The following TMPRSS11F variants were observed in gnomAD, a reference collection of about 807,000 sequenced individuals.
The protein encoded by TMPRSS11F is transmembrane protease serine 11F.
A neutral mutation model predicts 60.2 loss-of-function variants in TMPRSS11F; 47 were observed. The observed-to-expected ratio is 0.78, with a 90% CI of 0.62 to 1.00. TMPRSS11F has a LOEUF of 1.00. Ranked by LOEUF, TMPRSS11F falls within the 50% of genes least tolerant of loss-of-function variation. The probability of loss-of-function intolerance (pLI) is 0.00; values close to 1 mark genes in which losing one functional copy is unlikely to be tolerated. For synonymous variants in TMPRSS11F, 166 were observed against 167.3 expected, an observed-to-expected ratio of 0.99 and a Z score of 0.06; for missense variants, 519 against 522.9, an observed-to-expected ratio of 0.99 and a Z score of 0.07.
At chr4:68,107,564 G>A (rs148898382) in intron 1 of TMPRSS11F, among the ~76,000 whole-genome samples, 13 of 152,318 alleles carry the variant, frequency 8.5e-5, no homozygotes, top group Non-Finnish European at 1.8e-4. Flanking sequence ...TGAATTTGCA[G>A]AAGAGCAGAA....
intron 1 of TMPRSS11F, among the ~76,000 whole-genome samples, chr4:68,112,754 A>G (rs1724431382): frequency 1.3e-5 from 2 of 152,158 alleles, no homozygotes; most frequent in Admixed American, 1.3e-4. Flanking sequence ...GTAGTGTTTA[A>G]TAAACATTAT....
chr4:68,065,190 G>A (rs1284866697), intron 7 of TMPRSS11F, among the ~76,000 whole-genome samples: 2 of 151,852 alleles, frequency 1.3e-5, no homozygotes, highest in Non-Finnish European at 2.9e-5. Flanking sequence ...AACTCTTCAG[G>A]TTCTTTTTTC....
At chr4:68,123,696 G>A (rs1724663842) in intron 1 of TMPRSS11F, among the ~76,000 whole-genome samples, 1 of 152,180 alleles carries the variant, frequency 6.6e-6, no homozygotes, top group East Asian at 1.9e-4. Context: ...GGGGAAGGTA[G>A]GCAGTAGGGC....
intron 2 of TMPRSS11F, among the ~76,000 whole-genome samples, chr4:68,092,877 T>C (rs904534997): frequency 1.3e-5 from 2 of 148,904 alleles, no homozygotes; most frequent in Non-Finnish European, 3.0e-5. Context: ...ATATATACTT[T>C]AAGTGCTTTT....
intron 8 of TMPRSS11F, among the ~76,000 whole-genome samples, chr4:68,064,019 T>C (rs1308241223): frequency 6.6e-6 from 1 of 152,132 alleles, no homozygotes; most frequent in Non-Finnish European, 1.5e-5. Context: ...AAAGACAAAA[T>C]TTGTGATTAC....
intron 7 of TMPRSS11F, among the ~76,000 whole-genome samples, chr4:68,068,160 A>G (rs572225184): frequency 1.1e-4 from 17 of 152,270 alleles, no homozygotes; most frequent in African/African-American, 3.8e-4. Context: ...CAGGGTTCCT[A>G]GAGAATGCAA....
chr4:68,068,885 T>C, intron 6 of TMPRSS11F, 66 bp from the exon 7 acceptor site: 2 of 1,546,106 alleles, frequency 1.3e-6, no homozygotes, highest in Non-Finnish European at 1.8e-6. Flanking sequence ...TCTGATTTGC[T>C]TTGGTTATAG....
intron 5 of TMPRSS11F, among the ~76,000 whole-genome samples, chr4:68,071,871 A>T (rs999101980): frequency 1.1e-4 from 16 of 152,038 alleles, no homozygotes; most frequent in Non-Finnish European, 1.8e-4. Context: ...CTTCATGAAG[A>T]TGTCTTTCTT....
In TMPRSS11F at chr4:68,072,479, C is replaced by T. The variant is rs1463697141; in HGVS notation, c.358G>A (p.Glu120Lys). 1.3e-6 allele frequency: 2 copies of T among 1,536,350 alleles called. No individual in the cohort carries two copies. Among genetic ancestry groups the T allele is most frequent in the Non-Finnish European group, 1.8e-6 (2 of 1,137,032 alleles). ...ACTATAAGAATATCCACACCTTGTT[C>T]ATCTGGACTGAAGAACAAAAAAGCA... is the stretch of plus-strand genomic sequence containing the variant. ...KSHVIKLSPDEQGVDILIVLI... is the reference protein window; with the variant it reads ...KSHVIKLSPDKQGVDILIVLI... The change falls in exon 5 of 10, where the codon GAA becomes AAA. Residue 120 changes from glutamate (E) to lysine (K), a missense_variant. Coordinates refer to ENST00000356291, the MANE Select transcript of TMPRSS11F (RefSeq NM_207407.2).
chr4:68,054,061 A>G lies in TMPRSS11F; in HGVS notation c.1165T>C (p.Ser389Pro). 1.2e-6 allele frequency: 2 copies of G among 1,611,828 alleles called. No individual in the cohort carries two copies. Among genetic ancestry groups the G allele is most frequent in the Non-Finnish European group, 1.7e-6 (2 of 1,178,526 alleles). The change falls in exon 10 of 10, where the codon TCT becomes CCT. Residue 389 changes from serine to proline, a missense_variant. Physicochemically the swap from Ser to Pro is moderately conservative, Grantham distance 74. Transcript: ENST00000356291. Reference sequence around the variant, plus strand: ...TTATCATAAACCAGAGGTCCACCAGAATCTCCCTGAAATAAAAACATATTT... The same window carrying G: ...TTATCATAAACCAGAGGTCCACCAGGATCTCCCTGAAATAAAAACATATTT... ...EGKIDACKGD[S>P]GGPLVYDNHD... is the part of the protein sequence containing the mutation.
intron 1 of TMPRSS11F, among the ~76,000 whole-genome samples, chr4:68,113,652 T>C (rs1033379576): frequency 2.6e-5 from 4 of 152,188 alleles, no homozygotes; most frequent in African/African-American, 7.2e-5. Flanking sequence ...CAAATACTGT[T>C]ATAATGAAGA....
intron 1 of TMPRSS11F, among the ~76,000 whole-genome samples, chr4:68,108,876 C>T (rs968108507): frequency 6.6e-6 from 1 of 152,064 alleles, no homozygotes; most frequent in African/African-American, 2.4e-5. Context: ...TGAAGGATTC[C>T]TTTTTTATTT....
intron 1 of TMPRSS11F, among the ~76,000 whole-genome samples, chr4:68,102,553 C>T (rs1724215083): frequency 6.6e-6 from 1 of 152,072 alleles, no homozygotes; most frequent in Admixed American, 6.6e-5. Context: ...TTTTAATTTA[C>T]ATTTTTTTGA....
At chr4:68,100,573 C>G (rs539326130) in intron 1 of TMPRSS11F, among the ~76,000 whole-genome samples, 5 of 152,102 alleles carry the variant, frequency 3.3e-5, no homozygotes, top group Admixed American at 1.3e-4. Flanking sequence ...TAATGGCCCA[C>G]TTGTTTGGAC....
intron 7 of TMPRSS11F, 145 bp downstream of exon 7, chr4:68,068,473 G>A: frequency 1.6e-6 from 1 of 641,124 alleles, no homozygotes; most frequent in Non-Finnish European, 2.7e-6. Flanking sequence ...GGGCATAGGG[G>A]AAGCATAATC....
intron 2 of TMPRSS11F, among the ~76,000 whole-genome samples, chr4:68,095,530 G>C (rs959718861): frequency 6.6e-6 from 1 of 152,124 alleles, no homozygotes; most frequent in African/African-American, 2.4e-5. Context: ...AAATGTTGGT[G>C]AGGATATGGA....
intron 8 of TMPRSS11F, among the ~76,000 whole-genome samples, chr4:68,064,145 AG>A (rs1723268881): frequency 7.1e-6 from 1 of 141,360 alleles, no homozygotes; most frequent in Non-Finnish European, 1.5e-5. Flanking sequence ...CCACCGCTCT[AG>A]TTGAGCAGTT....
intron 1 of TMPRSS11F, among the ~76,000 whole-genome samples, chr4:68,121,109 C>T (rs1191803022): frequency 6.6e-6 from 1 of 152,166 alleles, no homozygotes; most frequent in African/African-American, 2.4e-5. Flanking sequence ...TATGACCCAC[C>T]CAGTTGGCTG....
At position 68,090,497 on chromosome 4, in the gene TMPRSS11F, A is replaced by G. The variant is rs201426515; in HGVS notation, c.282+26T>C. ...AGTGATGCAAAAGACACATTAATAA[A>G]CATTTAAAATTTCTGTTGAGCTTAC... On this transcript the variant is annotated intron_variant, in intron 3 of 9. Transcript: ENST00000356291. 5.8e-6 allele frequency: 9 copies of G among 1,562,554 alleles called. No individual in the cohort carries two copies. In the East Asian group the frequency reaches 1.8e-4, roughly 32 times the overall value.
Sources: gnomAD v4.1 joint callset for allele counts (sites outside exome capture counted in the v4.1 genomes callset) on GRCh38, gnomAD v4.1.1 for gene constraint, MANE v1.5 for transcripts, NCBI Gene and HGNC (gene_info 2026-07-23, HGNC 2026-07-21) for gene names.